CSMD2: variants seen among roughly 807,000 people sequenced by gnomAD.
CSMD2 encodes the protein CUB and Sushi multiple domains 2.
Under a neutral mutation model 398.5 loss-of-function variants are expected in CSMD2, and 130 were observed. The observed-to-expected ratio is 0.33, with a 90% CI of 0.28 to 0.38. The LOEUF is 0.38. CSMD2 is among the 10% of genes least tolerant of loss of function. The pLI is 1.00. For synonymous variants in CSMD2, 1,828 were observed against 1,908.5 expected, an observed-to-expected ratio of 0.96 and a Z score of 1.10; for missense variants, 3,829 against 4,764.9, an observed-to-expected ratio of 0.80 and a Z score of 5.78.
intron 4 of CSMD2, among the ~76,000 whole-genome samples, chr1:33,919,113 G>A (rs1643865468): frequency 6.6e-6 from 1 of 152,214 alleles, no homozygotes; most frequent in African/African-American, 2.4e-5. Flanking sequence ...TCCAGGTGAG[G>A]CTGGATGAGA....
intron 12 of CSMD2, among the ~76,000 whole-genome samples, chr1:33,776,798 A>G (rs546736087): frequency 6.6e-6 from 1 of 151,874 alleles, no homozygotes; most frequent in South Asian, 2.1e-4. Context: ...AGAAGGAAAG[A>G]GGTGAAAGGA....
At chr1:33,555,445 G>A (rs1657865850) in intron 55 of CSMD2, among the ~76,000 whole-genome samples, 1 of 152,222 alleles carries the variant, frequency 6.6e-6, no homozygotes, top group African/African-American at 2.4e-5. Flanking sequence ...CATGAAGTTA[G>A]TTGATAAAGT....
intron 54 of CSMD2, among the ~76,000 whole-genome samples, chr1:33,558,857 T>C (rs780083600): frequency 3.9e-5 from 6 of 152,058 alleles, no homozygotes; most frequent in Non-Finnish European, 8.8e-5. Context: ...GGGGATCTCT[T>C]AAGAGTGGTT....
intron 2 of CSMD2, among the ~76,000 whole-genome samples, chr1:34,060,148 G>C (rs1348615485): frequency 6.6e-6 from 1 of 152,186 alleles, no homozygotes. Flanking sequence ...AGAGGAAAAG[G>C]AGGACCAGCC....
chr1:33,847,011 A>G lies in CSMD2; in HGVS notation c.921-15T>C, dbSNP rs79451665. 1 of 1,579,074 alleles carries G rather than the reference A, an allele frequency of 6.3e-7. No individual in the cohort carries two copies. Among genetic ancestry groups the G allele is most frequent in the South Asian group, 1.1e-5 (1 of 89,598 alleles). ...CTCCGGTGAACCTGTGGGAACAGGA[A>G]GCAGATGGGCTCAGGGACCAGAGCT... On this transcript the variant is annotated splice_polypyrimidine_tract_variant and intron_variant, in intron 5 of 70. Transcript: ENST00000373381.
chr1:33,788,159 G>C (rs1385893224), intron 12 of CSMD2, among the ~76,000 whole-genome samples: 1 of 152,072 alleles, frequency 6.6e-6, no homozygotes, highest in Non-Finnish European at 1.5e-5. Flanking sequence ...GGTGGCTGGG[G>C]CTCAGAGAAG....
At chr1:33,971,740 G>C (rs1645778125) in intron 3 of CSMD2, among the ~76,000 whole-genome samples, 1 of 152,166 alleles carries the variant, frequency 6.6e-6, no homozygotes, top group Non-Finnish European at 1.5e-5. Flanking sequence ...TTGGGAGGTG[G>C]GTGAGAGGGG....
chr1:33,909,354 C>G (rs902087084), intron 5 of CSMD2, among the ~76,000 whole-genome samples: 1 of 152,190 alleles, frequency 6.6e-6, no homozygotes, highest in Non-Finnish European at 1.5e-5. Flanking sequence ...CAGCTTAAAT[C>G]CTACCCTCCT....
intron 22 of CSMD2, among the ~76,000 whole-genome samples, chr1:33,705,865 C>T (rs1645758842): frequency 6.6e-6 from 1 of 150,876 alleles, no homozygotes; most frequent in Admixed American, 6.6e-5. Context: ...CTTTTCAATT[C>T]CTAATATTAC....
chr1:34,084,475 A>G (rs1558357509), intron 2 of CSMD2, among the ~76,000 whole-genome samples: 2 of 152,192 alleles, frequency 1.3e-5, no homozygotes, highest in Non-Finnish European at 2.9e-5. Flanking sequence ...TTTGCAACCT[A>G]CTCATCTGAC....
At chr1:34,004,663 T>C (rs1647004023) in intron 3 of CSMD2, among the ~76,000 whole-genome samples, 1 of 152,120 alleles carries the variant, frequency 6.6e-6, no homozygotes, top group Non-Finnish European at 1.5e-5. Context: ...GGTTAAACTA[T>C]TGGTTAGGGT....
intron 38 of CSMD2, among the ~76,000 whole-genome samples, 186 bp from the exon 39 acceptor site, chr1:33,617,161 T>A (rs1290809460): frequency 2.6e-5 from 4 of 152,236 alleles, no homozygotes; most frequent in Non-Finnish European, 5.9e-5. Flanking sequence ...AGGACAATTA[T>A]TAACAACGAT....
Position 33,864,331 on chromosome 1 carries a change from A to T in CSMD2, c.921-17335T>A, listed in dbSNP as rs764075026. 44 of 1,613,304 alleles carry T rather than the reference A, an allele frequency of 2.7e-5. 2 individuals are homozygous for T. In the South Asian group the frequency reaches 4.7e-4, roughly 17 times the overall value. On this transcript the variant is annotated intron_variant, in intron 5 of 70. Transcript: ENST00000373381. ...AAAGAGTTCTCTAGAAAGTGTTCGG[A>T]AAAATGGAGATCCATCTCAAAGCAT...
chr1:34,140,013 C>A (rs1278283354), intron 1 of CSMD2, among the ~76,000 whole-genome samples: 8 of 152,132 alleles, frequency 5.3e-5, no homozygotes, highest in African/African-American at 1.9e-4. Flanking sequence ...TGCCAGGGAC[C>A]ATCCATGGTC....
intron 10 of CSMD2, among the ~76,000 whole-genome samples, chr1:33,805,169 T>C (rs1656079017): frequency 6.6e-6 from 1 of 152,240 alleles, no homozygotes; most frequent in Non-Finnish European, 1.5e-5. Context: ...CCTCAGACTT[T>C]ACTTAGACTT....
At chr1:33,627,663 A>G (rs962897835) in intron 32 of CSMD2, among the ~76,000 whole-genome samples, 4 of 152,230 alleles carry the variant, frequency 2.6e-5, no homozygotes, top group African/African-American at 4.8e-5. Flanking sequence ...TTAGATGTGT[A>G]TGTGACCCAG....
chr1:33,903,840 A>T (rs1322504907), intron 5 of CSMD2, among the ~76,000 whole-genome samples: 7 of 152,242 alleles, frequency 4.6e-5, no homozygotes. Flanking sequence ...GGAAATTTAC[A>T]TTGAACTCTA....
chr1:33,541,389 G>A, intron 58 of CSMD2, 80 bp from the exon 59 acceptor site: 1 of 1,059,014 alleles, frequency 9.4e-7, no homozygotes, highest in Non-Finnish European at 1.4e-6. Context: ...ATCACTCCCT[G>A]CATGCATCCA....
intron 60 of CSMD2, among the ~76,000 whole-genome samples, chr1:33,538,486 G>GTGTGTC (rs1358000098): frequency 1.3e-5 from 2 of 152,210 alleles, no homozygotes; most frequent in African/African-American, 4.8e-5. Context: ...GTGTGTGTGT[G>GTGTGTC]TGTGTCTGTG....
Sources: allele counts gnomAD v4.1 joint callset (sites outside exome capture counted in the v4.1 genomes callset), GRCh38; gene constraint gnomAD v4.1.1; transcripts MANE v1.5; gene names NCBI Gene and HGNC (gene_info 2026-07-23, HGNC 2026-07-21).